UGGT1: variants seen among roughly 807,000 people sequenced by gnomAD.
The protein encoded by UGGT1 is UDP-glucose:glycoprotein glucosyltransferase 1.
UGGT1 carries 107 observed loss-of-function variants against 203.9 expected under a neutral mutation model. That is an observed-to-expected ratio of 0.52 (90% CI 0.45 to 0.62). The LOEUF (loss-of-function observed/expected upper bound fraction) is 0.62. Ranked by LOEUF, UGGT1 falls within the 20% of genes least tolerant of loss-of-function variation. The pLI is 0.00. For synonymous variants in UGGT1, 628 were observed against 653.5 expected, an observed-to-expected ratio of 0.96 and a Z score of 0.59; for missense variants, 1,673 against 1,867.2, an observed-to-expected ratio of 0.90 and a Z score of 1.92.
At position 128,159,501 on chromosome 2, in the gene UGGT1, A is replaced by G; in HGVS notation, c.2356-13A>G. 1 of 1,613,128 alleles carries G rather than the reference A, an allele frequency of 6.2e-7. No homozygotes were observed. The highest frequency in any genetic ancestry group is 8.5e-7 in the Non-Finnish European group (1 of 1,179,152). On this transcript the variant is annotated splice_polypyrimidine_tract_variant and intron_variant, in intron 22 of 40. Transcript: ENST00000259253. The stretch of plus-strand genomic sequence containing the variant: ...ATCTACAATATGACTCCCGTTTCCC[A>G]TTTTGTGAACAGAAATCCAGTAACA...
chr2:128,173,827 T>A lies in UGGT1; in HGVS notation c.3341T>A (p.Leu1114Gln). 1 of 1,614,182 alleles carries A rather than the reference T, an allele frequency of 6.2e-7. No homozygotes were observed. The highest frequency in any genetic ancestry group is 1.3e-5 in the African/African-American group (1 of 75,028). The change falls in exon 30 of 41, where the codon CTG becomes CAG. Residue 1114 changes from leucine (L) to glutamine (Q), a missense_variant. Leu to Gln is a moderately radical substitution (Grantham distance 113). This residue lies in a region of UGGT1 where 513 missense variants were observed against 684.1 expected (regional missense o/e 0.75). Coordinates refer to ENST00000259253, the MANE Select transcript of UGGT1 (RefSeq NM_020120.4). ...GAGTATGAGCTGGAATACCTGTTAC[T>A]GGAAGGTCATTGCTACGACATCACC... Reference protein sequence around the residue: ...AAEYELEYLLLEGHCYDITTG... With the variant: ...AAEYELEYLLQEGHCYDITTG...
At chr2:128,129,626 T>C (rs781098471) in intron 13 of UGGT1, among the ~76,000 whole-genome samples, 4 of 152,064 alleles carry the variant, frequency 2.6e-5, no homozygotes, top group Non-Finnish European at 5.9e-5. Flanking sequence ...CTCAAACTCC[T>C]GACCTCAGGT....
At chr2:128,117,968 GTGTGTGTGTC>G (rs58943525) in intron 8 of UGGT1, among the ~76,000 whole-genome samples, 17,249 of 113,696 alleles carry the variant, frequency 0.15, 2,744 homozygotes, top group African/African-American at 0.4. Context: ...TTTTGTGTGT[GTGTGTGTGTC>G]TGTGTGTGTG....
At chr2:128,181,333 G>A (rs1235338873) in intron 36 of UGGT1, among the ~76,000 whole-genome samples, 1 of 152,144 alleles carries the variant, frequency 6.6e-6, no homozygotes, top group Admixed American at 6.5e-5. Flanking sequence ...CATTTAACAT[G>A]AAAACTAAAA....
intron 34 of UGGT1, 115 bp downstream of exon 34, chr2:128,178,684 C>A: frequency 1.2e-6 from 1 of 862,210 alleles, no homozygotes; most frequent in Non-Finnish European, 1.8e-6. Context: ...CTTTGAAGCA[C>A]TCTGAGCATT....
At chr2:128,122,594 T>C (rs1253737052) in intron 10 of UGGT1, among the ~76,000 whole-genome samples, 1 of 152,132 alleles carries the variant, frequency 6.6e-6, no homozygotes, top group African/African-American at 2.4e-5. Context: ...TTCTGTAATA[T>C]TGCTGCACAT....
At chr2:128,174,931 C>T (rs916176957) in intron 31 of UGGT1, 73 bp downstream of exon 31, 9 of 1,299,574 alleles carry the variant, frequency 6.9e-6, no homozygotes, top group Non-Finnish European at 9.7e-6. Context: ...TGAATACTAC[C>T]CTGGCAGTTA....
At chr2:128,133,109 G>A (rs1254120151) in intron 13 of UGGT1, 32 bp from the exon 14 acceptor site, 24 of 1,608,386 alleles carry the variant, frequency 1.5e-5, no homozygotes, top group Non-Finnish European at 1.9e-5. Flanking sequence ...GGTTCCTAAT[G>A]TGCATGTATC....
intron 18 of UGGT1, among the ~76,000 whole-genome samples, chr2:128,149,420 G>A (rs890737014): frequency 6.0e-5 from 9 of 149,482 alleles, no homozygotes; most frequent in African/African-American, 2.2e-4. Flanking sequence ...CGAGGCGGGC[G>A]GATAATGAGG....
At chr2:128,153,156 T>G (rs1690059300) in intron 19 of UGGT1, among the ~76,000 whole-genome samples, 1 of 152,148 alleles carries the variant, frequency 6.6e-6, no homozygotes, top group African/African-American at 2.4e-5. Flanking sequence ...AAATATTTAG[T>G]GCCATTTAAA....
At chr2:128,164,669 G>A (rs569969126) in intron 25 of UGGT1, 61 bp from the exon 26 acceptor site, 2 of 1,389,524 alleles carry the variant, frequency 1.4e-6, no homozygotes, top group African/African-American at 2.8e-5. Flanking sequence ...GATATGTTTG[G>A]CAATAATTGG....
intron 25 of UGGT1, among the ~76,000 whole-genome samples, chr2:128,164,455 A>G (rs919572566): frequency 6.6e-6 from 1 of 152,220 alleles, no homozygotes; most frequent in Non-Finnish European, 1.5e-5. Context: ...ACAGCCTGTA[A>G]TGGGCCAGGG....
intron 29 of UGGT1, among the ~76,000 whole-genome samples, 160 bp downstream of exon 29, chr2:128,172,922 A>G (rs1691186297): frequency 6.6e-6 from 1 of 152,182 alleles, no homozygotes; most frequent in Non-Finnish European, 1.5e-5. Flanking sequence ...AATTCTCCCC[A>G]TTAACGTGTA....
At chr2:128,180,102 T>C (rs1027559798) in intron 35 of UGGT1, among the ~76,000 whole-genome samples, 1 of 152,232 alleles carries the variant, frequency 6.6e-6, no homozygotes, top group Admixed American at 6.5e-5. Flanking sequence ...TTTGTTGTTG[T>C]TATTATTAGC....
In UGGT1 at chr2:128,183,764, C is replaced by G. The variant is rs1691829256; in HGVS notation, c.4334C>G (p.Pro1445Arg). The change falls in exon 38 of 41, where the codon CCT (proline) becomes CGT (arginine). Residue 1445 changes from proline (P) to arginine (R), a missense_variant. This residue lies in a region of UGGT1 where 513 missense variants were observed against 684.1 expected (regional missense o/e 0.75). Coordinates refer to ENST00000259253, the MANE Select transcript of UGGT1 (RefSeq NM_020120.4). ...RGQYQGLSQD[P>R]NSLSNLDQDL... ...CAGTACCAAGGTCTGAGTCAGGACC[C>G]TAACAGCCTTTCAAATCTTGATCAA... 1 of 1,614,032 alleles carries G rather than the reference C, an allele frequency of 6.2e-7. No homozygotes were observed. Among genetic ancestry groups the G allele is most frequent in the Non-Finnish European group, 8.5e-7 (1 of 1,179,928 alleles).
At chr2:128,108,181 A>C (rs1687688896) in intron 4 of UGGT1, 113 bp downstream of exon 4, 1 of 1,304,270 alleles carries the variant, frequency 7.7e-7, no homozygotes, top group Non-Finnish European at 1.0e-6. Context: ...TTTTGCCTGA[A>C]ATTTTCTAGG....
At chr2:128,174,929 A>G (rs1415191203) in intron 31 of UGGT1, 71 bp downstream of exon 31, 5 of 1,317,930 alleles carry the variant, frequency 3.8e-6, no homozygotes, top group Non-Finnish European at 4.2e-6. Context: ...ATTGAATACT[A>G]CCCTGGCAGT....
intron 3 of UGGT1, among the ~76,000 whole-genome samples, chr2:128,106,327 A>C (rs1431929252): frequency 6.6e-6 from 1 of 152,152 alleles, no homozygotes; most frequent in African/African-American, 2.4e-5. Context: ...TATTAATTAA[A>C]GCTATAGGAG....
chr2:128,124,926 T>A (rs753306155), intron 11 of UGGT1, among the ~76,000 whole-genome samples: 1 of 152,232 alleles, frequency 6.6e-6, no homozygotes, highest in African/African-American at 2.4e-5. Context: ...GTGATCACAC[T>A]CAGAGTGAGG....
Sources: gnomAD v4.1 joint callset for allele counts (sites outside exome capture counted in the v4.1 genomes callset) on GRCh38, gnomAD v4.1.1 for gene constraint, gnomAD v4.1.1 regional missense constraint, MANE v1.5 for transcripts, NCBI Gene and HGNC (gene_info 2026-07-23, HGNC 2026-07-21) for gene names.